The following NBAS variants were observed in gnomAD, a reference collection of about 807,000 sequenced individuals.
NBAS encodes the protein NBAS subunit of NRZ tethering complex.
NBAS carries 219 observed loss-of-function variants against 302.5 expected under a neutral mutation model. That is an observed-to-expected ratio of 0.72 (90% CI 0.65 to 0.81). NBAS has a LOEUF of 0.81. NBAS is among the 30% of genes least tolerant of loss of function. NBAS has a pLI of 0.00. For synonymous variants in NBAS, 1,118 were observed against 1,021.6 expected (o/e 1.09, Z -1.80); for missense variants, 2,932 against 2,841.6 (o/e 1.03, Z -0.72).
intron 44 of NBAS, among the ~76,000 whole-genome samples, chr2:15,259,156 C>G (rs774114735): frequency 1.3e-5 from 2 of 151,938 alleles, no homozygotes; most frequent in Admixed American, 6.6e-5. Context: ...TTAAAAAAAC[C>G]CTTGAAACCC....
intron 12 of NBAS, among the ~76,000 whole-genome samples, chr2:15,480,510 C>G (rs1680386141): frequency 6.6e-6 from 1 of 151,876 alleles, no homozygotes; most frequent in Middle Eastern, 3.4e-3. Context: ...GGTATAGGGG[C>G]CTTCGAAGGA....
the NBAS span, among the ~76,000 whole-genome samples, chr2:14,903,273 C>T: frequency 1.3e-5 from 2 of 148,382 alleles, no homozygotes; most frequent in African/African-American, 5.0e-5. Flanking sequence ...CTGAATGTCA[C>T]AGGATCTCTA....
intron 21 of NBAS, among the ~76,000 whole-genome samples, chr2:15,439,119 C>A (rs889641792): frequency 6.6e-6 from 1 of 151,920 alleles, no homozygotes. Context: ...CACGGTGAAA[C>A]CCCGTCTCTA....
At chr2:15,265,522 T>C (rs1669037645) in intron 44 of NBAS, among the ~76,000 whole-genome samples, 1 of 152,186 alleles carries the variant, frequency 6.6e-6, no homozygotes, top group Non-Finnish European at 1.5e-5. Flanking sequence ...TTTCCTAGGT[T>C]GCAAGTCCAC....
chr2:14,889,463 T>C, the NBAS span, among the ~76,000 whole-genome samples: 1 of 152,180 alleles, frequency 6.6e-6, no homozygotes, highest in African/African-American at 2.4e-5. Flanking sequence ...GTGGATATCA[T>C]ATGGAAGTAT....
intron 47 of NBAS, 64 bp downstream of exon 47, chr2:15,232,358 A>G (rs1026340921): frequency 3.4e-6 from 5 of 1,481,196 alleles, no homozygotes; most frequent in Non-Finnish European, 4.7e-6. Context: ...ACGGATACTA[A>G]GAGCAATTCT....
At chr2:15,429,542 A>G (rs1677656586) in intron 21 of NBAS, among the ~76,000 whole-genome samples, 1 of 152,206 alleles carries the variant, frequency 6.6e-6, no homozygotes, top group Non-Finnish European at 1.5e-5. Context: ...GGAGGGTTTT[A>G]AAGCAGAAGA....
chr2:15,415,744 GACAA>G (rs1337309668), intron 24 of NBAS, 25 bp from the exon 25 acceptor site: 3 of 1,613,230 alleles, frequency 1.9e-6, no homozygotes, highest in African/African-American at 1.3e-5. Flanking sequence ...AAGCAAAACA[GACAA>G]ACAAGAATGA....
chr2:15,329,716 C>G (rs895805433), intron 36 of NBAS, among the ~76,000 whole-genome samples: 1 of 152,152 alleles, frequency 6.6e-6, no homozygotes, highest in Non-Finnish European at 1.5e-5. Context: ...GTGCAGATGT[C>G]AAGTGTGCTG....
At chr2:14,787,491 T>G in the NBAS span, among the ~76,000 whole-genome samples, 1 of 152,240 alleles carries the variant, frequency 6.6e-6, no homozygotes, top group Non-Finnish European at 1.5e-5. Flanking sequence ...AGTGCTTCCT[T>G]CAGGAGCTCT....
At chr2:15,326,554 G>T (rs1558536777) in intron 38 of NBAS, among the ~76,000 whole-genome samples, 1 of 152,014 alleles carries the variant, frequency 6.6e-6, no homozygotes. Context: ...AGAAAAGCAA[G>T]AAGTAATAAA....
At chr2:15,127,549 G>C in the NBAS span, among the ~76,000 whole-genome samples, 1 of 152,204 alleles carries the variant, frequency 6.6e-6, no homozygotes. Flanking sequence ...TTTTCATTGA[G>C]AGGTGGTATC....
intron 11 of NBAS, among the ~76,000 whole-genome samples, chr2:15,502,672 A>G (rs1372566676): frequency 2.6e-5 from 4 of 152,264 alleles, no homozygotes; most frequent in Non-Finnish European, 4.4e-5. Flanking sequence ...TGGAGCTTGC[A>G]GAACTAGAAG....
At chr2:15,275,447 C>T in intron 44 of NBAS, 37 bp downstream of exon 44, 1 of 1,584,452 alleles carries the variant, frequency 6.3e-7, no homozygotes, top group African/African-American at 1.3e-5. Flanking sequence ...ATTTCTTCTA[C>T]TGTGCTCAAA....
intron 28 of NBAS, among the ~76,000 whole-genome samples, chr2:15,386,656 C>T (rs1162869662): frequency 3.3e-5 from 5 of 152,140 alleles, no homozygotes. Flanking sequence ...AGCATCTCCA[C>T]CTACTGTCCG....
At chr2:15,402,139 A>C (rs1311198018) in intron 26 of NBAS, 29 bp downstream of exon 26, 1 of 1,612,944 alleles carries the variant, frequency 6.2e-7, no homozygotes, top group African/African-American at 1.3e-5. Flanking sequence ...AAAAAAACAC[A>C]ATAAGACTGG....
the NBAS span, among the ~76,000 whole-genome samples, chr2:14,909,815 C>T: frequency 6.6e-6 from 1 of 152,150 alleles, no homozygotes; most frequent in South Asian, 2.1e-4. Context: ...AAGGTGAGGG[C>T]CAGTGGCACC....
intron 48 of NBAS, among the ~76,000 whole-genome samples, chr2:15,218,117 CTAAA>C (rs772757882): frequency 5.9e-5 from 9 of 152,084 alleles, no homozygotes; most frequent in East Asian, 1.9e-4. Flanking sequence ...AATGAATTAG[CTAAA>C]TATAGAATTA....
the NBAS span, among the ~76,000 whole-genome samples, chr2:15,068,200 C>A: frequency 1.3e-5 from 2 of 152,172 alleles, no homozygotes; most frequent in Non-Finnish European, 2.9e-5. Context: ...GACTTTAGTT[C>A]TCTAATACAT....
Sources: gnomAD v4.1 joint callset for allele counts (sites outside exome capture counted in the v4.1 genomes callset) on GRCh38, gnomAD v4.1.1 for gene constraint, MANE v1.5 for transcripts, NCBI Gene and HGNC (gene_info 2026-07-23, HGNC 2026-07-21) for gene names.